DNAH11: variants seen among roughly 807,000 people sequenced by gnomAD.
The protein encoded by DNAH11 is axonemal beta dynein heavy chain 11.
In DNAH11, 442 loss-of-function variants were observed where a neutral mutation model predicts 526.0. The observed-to-expected ratio is 0.84, with a 90% CI of 0.78 to 0.91. The LOEUF (loss-of-function observed/expected upper bound fraction) is 0.91, where lower values mean the gene tolerates loss of function less well. Ranked by LOEUF, DNAH11 falls within the 40% of genes least tolerant of loss-of-function variation. The pLI, the probability that DNAH11 is intolerant of heterozygous loss-of-function variation, is 0.00. For missense variants in DNAH11, 6,989 were observed against 5,448.7 expected (o/e 1.28, Z -8.90); for synonymous variants, 2,461 against 1,935.9 (o/e 1.27, Z -7.12).
chr7:21,838,574 C>T (rs552573365), intron 65 of DNAH11, among the ~76,000 whole-genome samples: 1 of 152,172 alleles, frequency 6.6e-6, no homozygotes, highest in South Asian at 2.1e-4. Context: ...TCTTTTGTGA[C>T]TTCTTTCACT....
chr7:21,664,170 G>T (rs1782340091), intron 30 of DNAH11, among the ~76,000 whole-genome samples: 7 of 109,696 alleles, frequency 6.4e-5, no homozygotes, highest in African/African-American at 1.0e-4. Context: ...AAAATTTTAT[G>T]GTCACCTGTC....
intron 65 of DNAH11, among the ~76,000 whole-genome samples, chr7:21,836,001 CA>C (rs1290478076): frequency 1.3e-5 from 2 of 151,674 alleles, no homozygotes; most frequent in African/African-American, 2.4e-5. Flanking sequence ...ATTCCATTTA[CA>C]AAAGCTACCA....
intron 63 of DNAH11, among the ~76,000 whole-genome samples, chr7:21,808,759 C>T (rs189597888): frequency 1.4e-4 from 22 of 152,212 alleles, no homozygotes; most frequent in Admixed American, 1.3e-3. Flanking sequence ...GCATGTATAT[C>T]ATGTTTTCTT....
rs570532098 is a variant in DNAH11, at chr7:21,744,575, G to T, written c.8292G>T (p.Leu2764=). ...KDCDLFQRRM[L]ETAYKYFEGI... is the part of the protein sequence containing the mutation. ...GTGATTTGTTTCAGAGAAGAATGCT[G>T]GAAACTGCTTATAAATATTTTGAAG... The change falls in exon 50 of 82, where the codon CTG becomes CTT. Residue 2764 remains leucine (L), a synonymous_variant. Coordinates refer to ENST00000409508, the MANE Select transcript of DNAH11 (RefSeq NM_001277115.2). 4 of 1,613,312 alleles carry T rather than the reference G, an allele frequency of 2.5e-6. No homozygotes were observed. The South Asian group carries it at 4.4e-5, about 18-fold the overall frequency.
chr7:21,747,481 A>G (rs1303122021), intron 51 of DNAH11, among the ~76,000 whole-genome samples: 1 of 152,196 alleles, frequency 6.6e-6, no homozygotes, highest in African/African-American at 2.4e-5. Context: ...TACTATCTAC[A>G]TGCCTATATT....
At chr7:21,854,806 G>A (rs1044258692) in intron 68 of DNAH11, among the ~76,000 whole-genome samples, 2 of 152,150 alleles carry the variant, frequency 1.3e-5, no homozygotes, top group Non-Finnish European at 2.9e-5. Context: ...GCCTCCCAGA[G>A]TGCTGAGAGT....
At chr7:21,718,045 T>C (rs1052144446) in intron 43 of DNAH11, 120 bp downstream of exon 43, 2 of 1,394,252 alleles carry the variant, frequency 1.4e-6, no homozygotes, top group Non-Finnish European at 1.9e-6. Context: ...ATTGTTAGAT[T>C]GCTGCAACCC....
At chr7:21,567,010 A>G (rs557568616) in intron 6 of DNAH11, among the ~76,000 whole-genome samples, 1 of 152,218 alleles carries the variant, frequency 6.6e-6, no homozygotes, top group African/African-American at 2.4e-5. Context: ...CCCTCTTTTG[A>G]CTGGAATGAT....
intron 56 of DNAH11, among the ~76,000 whole-genome samples, chr7:21,777,474 C>A (rs1787728679): frequency 6.6e-6 from 1 of 151,970 alleles, no homozygotes; most frequent in Non-Finnish European, 1.5e-5. Flanking sequence ...TGGATGTTTA[C>A]ATTTATAGAA....
chr7:21,838,656 A>G (rs1201165994), intron 65 of DNAH11, among the ~76,000 whole-genome samples: 1 of 152,192 alleles, frequency 6.6e-6, no homozygotes, highest in Non-Finnish European at 1.5e-5. Flanking sequence ...GCCAAATATT[A>G]GGTCGGTGCA....
chr7:21,866,748 TGTTTA>T, intron 71 of DNAH11, 85 bp downstream of exon 71: 1 of 1,376,408 alleles, frequency 7.3e-7, no homozygotes, highest in African/African-American at 1.4e-5. Context: ...CTGGTGGAAG[TGTTTA>T]CCATCCATTT....
intron 30 of DNAH11, among the ~76,000 whole-genome samples, chr7:21,677,596 G>A (rs1024406403): frequency 3.9e-5 from 6 of 152,164 alleles, no homozygotes; most frequent in Non-Finnish European, 5.9e-5. Context: ...CATTGGCCAG[G>A]CTGGTCTTTA....
At chr7:21,893,338 A>G (rs1272961369) in intron 77 of DNAH11, among the ~76,000 whole-genome samples, 2 of 152,176 alleles carry the variant, frequency 1.3e-5, no homozygotes, top group East Asian at 1.9e-4. Flanking sequence ...CTTTTTTGTG[A>G]TTTTGTAAGG....
chr7:21,751,987 C>G (rs1280848204), intron 54 of DNAH11, among the ~76,000 whole-genome samples: 1 of 152,182 alleles, frequency 6.6e-6, no homozygotes, highest in Non-Finnish European at 1.5e-5. Context: ...TAATCTGTTG[C>G]TCAGAGCTGC....
chr7:21,834,272 A>G (rs1169620463), intron 65 of DNAH11, among the ~76,000 whole-genome samples: 1 of 152,208 alleles, frequency 6.6e-6, no homozygotes, highest in East Asian at 1.9e-4. Context: ...GTCAAAAAGA[A>G]AAAGGAAATT....
At chr7:21,895,374 C>G (rs1249617412) in intron 79 of DNAH11, among the ~76,000 whole-genome samples, 1 of 152,190 alleles carries the variant, frequency 6.6e-6, no homozygotes, top group Non-Finnish European at 1.5e-5. Flanking sequence ...CATCTTATAA[C>G]TTTACTTTGC....
intron 43 of DNAH11, among the ~76,000 whole-genome samples, chr7:21,718,874 A>C (rs1334895796): frequency 6.6e-6 from 1 of 152,234 alleles, no homozygotes; most frequent in Non-Finnish European, 1.5e-5. Context: ...GATAATTCGC[A>C]CACCAATTAA....
At chr7:21,607,322 A>G (rs1785333141) in intron 20 of DNAH11, among the ~76,000 whole-genome samples, 1 of 152,158 alleles carries the variant, frequency 6.6e-6, no homozygotes, top group Non-Finnish European at 1.5e-5. Flanking sequence ...GCAGCTGATT[A>G]GATGGTGCCC....
intron 45 of DNAH11, among the ~76,000 whole-genome samples, chr7:21,729,648 G>A (rs953273251): frequency 2.0e-5 from 3 of 152,066 alleles, no homozygotes; most frequent in African/African-American, 7.2e-5. Context: ...ATGCAATTCA[G>A]CCGTGTTCCT....
Sources: allele counts gnomAD v4.1 joint callset (sites outside exome capture counted in the v4.1 genomes callset), GRCh38; gene constraint gnomAD v4.1.1; transcripts MANE v1.5; gene names NCBI Gene and HGNC (gene_info 2026-07-23, HGNC 2026-07-21).